Variants in LRRC69 observed in about 807,000 individuals in gnomAD.
LRRC69 encodes leucine rich repeat containing 69.
In LRRC69, 42 loss-of-function variants were observed where a neutral mutation model predicts 37.8. That is an observed-to-expected ratio of 1.11 (90% CI 0.87 to 1.44). The LOEUF (loss-of-function observed/expected upper bound fraction) is 1.44, where lower values mean the gene tolerates loss of function less well. Ranked by LOEUF, LRRC69 falls within the 40% of genes most tolerant of loss-of-function variation. LRRC69 has a pLI of 0.00. For missense variants in LRRC69, 357 were observed against 401.9 expected (o/e 0.89, Z 0.96); for synonymous variants, 141 against 143.1 (o/e 0.99, Z 0.11).
intron 5 of LRRC69, among the ~76,000 whole-genome samples, chr8:91,142,349 T>G (rs1037628019): frequency 2.6e-5 from 4 of 152,134 alleles, no homozygotes; most frequent in African/African-American, 9.6e-5. Flanking sequence ...ACCTGTACTA[T>G]TATGACTACT....
intron 7 of LRRC69, among the ~76,000 whole-genome samples, chr8:91,205,296 G>T (rs1434187633): frequency 6.6e-6 from 1 of 152,072 alleles, no homozygotes; most frequent in East Asian, 1.9e-4. Context: ...TTAGGACATG[G>T]AGGCTCACGT....
intron 5 of LRRC69, among the ~76,000 whole-genome samples, chr8:91,163,533 T>C (rs1808980899): frequency 1.3e-5 from 2 of 151,470 alleles, no homozygotes; most frequent in South Asian, 2.1e-4. Flanking sequence ...CTGACCTTGA[T>C]GTCAGAACTT....
intron 1 of LRRC69, among the ~76,000 whole-genome samples, chr8:91,106,984 T>G (rs548200831): frequency 6.6e-6 from 1 of 151,654 alleles, no homozygotes; most frequent in South Asian, 2.1e-4. Context: ...TTTTTTTGTT[T>G]GGAGACCGGG....
intron 5 of LRRC69, among the ~76,000 whole-genome samples, chr8:91,177,949 T>C (rs1013444689): frequency 3.3e-5 from 5 of 151,044 alleles, no homozygotes; most frequent in Non-Finnish European, 7.4e-5. Flanking sequence ...CCCGGGTTCA[T>C]GCCATTCCCC....
intron 5 of LRRC69, among the ~76,000 whole-genome samples, chr8:91,169,243 G>A (rs1413278035): frequency 6.6e-6 from 1 of 151,778 alleles, no homozygotes; most frequent in South Asian, 2.1e-4. Flanking sequence ...CAGACACAGC[G>A]GCCTATTTGA....
chr8:91,158,537 C>A, intron 5 of LRRC69: 1 of 1,137,156 alleles, frequency 8.8e-7, no homozygotes, highest in South Asian at 1.2e-5. Context: ...TAGACTTACA[C>A]ACTGTACATT....
Position 91,138,665 on chromosome 8 carries a change from T to C in LRRC69, c.651+2926T>C, listed in dbSNP as rs1182341008. On this transcript the variant is annotated intron_variant, in intron 5 of 7. Coordinates refer to ENST00000448384, the Ensembl canonical transcript of LRRC69. ...AAATTTACAGTAAAAAATTGGACTATTATAAATATTTGTTCATATGTGTTG... is the reference window on the plus strand; with the variant it reads ...AAATTTACAGTAAAAAATTGGACTACTATAAATATTTGTTCATATGTGTTG... The C allele has an allele frequency of 2.0e-5, 3 of 151,928 alleles. 1 individual carries two copies. Among genetic ancestry groups the C allele is most frequent in the South Asian group, 4.1e-4 (2 of 4,826 alleles). The allele number at this position is 151,928 out of a possible 1,614,324, so 9.4% of individuals were successfully genotyped here.
At chr8:91,164,353 T>C (rs1395676579) in intron 5 of LRRC69, among the ~76,000 whole-genome samples, 1 of 151,686 alleles carries the variant, frequency 6.6e-6, no homozygotes, top group African/African-American at 2.4e-5. Context: ...AAATAGCTCA[T>C]TCTTTTGTTA....
chr8:91,172,875 T>A (rs1446364603), intron 5 of LRRC69, among the ~76,000 whole-genome samples: 1 of 152,048 alleles, frequency 6.6e-6, no homozygotes, highest in Non-Finnish European at 1.5e-5. Context: ...GCTCCTTGAA[T>A]AATTTTTTAA....
At chr8:91,141,510 A>T (rs1808532947) in intron 5 of LRRC69, among the ~76,000 whole-genome samples, 1 of 152,146 alleles carries the variant, frequency 6.6e-6, no homozygotes, top group Admixed American at 6.6e-5. Flanking sequence ...CAATTGATAT[A>T]AACCTCCTTG....
intron 6 of LRRC69, among the ~76,000 whole-genome samples, chr8:91,196,175 C>T (rs1809596430): frequency 6.6e-6 from 1 of 151,940 alleles, no homozygotes; most frequent in African/African-American, 2.4e-5. Context: ...TATTGGCCCC[C>T]ACTCTCTTCT....
At chr8:91,196,353 G>A (rs1215689305) in intron 6 of LRRC69, among the ~76,000 whole-genome samples, 2 of 151,700 alleles carry the variant, frequency 1.3e-5, no homozygotes, top group Non-Finnish European at 2.9e-5. Flanking sequence ...GAGTATCTTT[G>A]TTGTGTTCTC....
chr8:91,192,474 T>C (rs1370816728), intron 6 of LRRC69, among the ~76,000 whole-genome samples: 1 of 151,358 alleles, frequency 6.6e-6, no homozygotes, highest in Non-Finnish European at 1.5e-5. Context: ...AGTGTAAAAG[T>C]GTTCCTATTT....
chr8:91,107,804 G>A (rs1048154562), intron 1 of LRRC69, among the ~76,000 whole-genome samples: 29 of 152,018 alleles, frequency 1.9e-4, no homozygotes, highest in African/African-American at 6.3e-4. Flanking sequence ...ATAATTTATG[G>A]TGAATGCATT....
At chr8:91,218,796 A>G (rs1478438558) in intron 7 of LRRC69, 94 bp from the exon 8 acceptor site, 8 of 740,622 alleles carry the variant, frequency 1.1e-5, no homozygotes, top group Middle Eastern at 3.9e-4. Flanking sequence ...TTAGAAGTCA[A>G]TGTTCTGAAA....
intron 5 of LRRC69, among the ~76,000 whole-genome samples, chr8:91,168,419 G>T (rs1809066809): frequency 6.6e-6 from 1 of 151,890 alleles, no homozygotes; most frequent in South Asian, 2.1e-4. Flanking sequence ...ATGTGTCACA[G>T]TTCTGGCTAG....
At chr8:91,205,808 T>G (rs1809794290) in intron 7 of LRRC69, among the ~76,000 whole-genome samples, 1 of 152,174 alleles carries the variant, frequency 6.6e-6, no homozygotes, top group Admixed American at 6.5e-5. Context: ...CATTCTCATC[T>G]CAGTTACATG....
intron 3 of LRRC69, among the ~76,000 whole-genome samples, chr8:91,131,235 CTTT>C (rs35337686): frequency 7.1e-6 from 1 of 140,228 alleles, no homozygotes; most frequent in Non-Finnish European, 1.5e-5. Flanking sequence ...ATTGATTTGT[CTTT>C]TTTTTTTTTT....
chr8:91,176,405 A>G (rs1303087041), intron 5 of LRRC69, among the ~76,000 whole-genome samples: 1 of 152,040 alleles, frequency 6.6e-6, no homozygotes, highest in Non-Finnish European at 1.5e-5. Flanking sequence ...TAGGCCTCCC[A>G]AAGTGCTGGA....
Sources: gnomAD v4.1 joint callset for allele counts (sites outside exome capture counted in the v4.1 genomes callset) on GRCh38, gnomAD v4.1.1 for gene constraint, MANE v1.5 for transcripts, NCBI Gene and HGNC (gene_info 2026-07-23, HGNC 2026-07-21) for gene names.